The following SH3D21 variants were observed in gnomAD, a reference collection of about 807,000 sequenced individuals.
SH3D21 encodes the protein SH3 domain-containing protein 21.
Under a neutral mutation model 82.1 loss-of-function variants are expected in SH3D21, and 83 were observed. That is an observed-to-expected ratio of 1.01 (90% CI 0.85 to 1.21). SH3D21 has a LOEUF of 1.21. SH3D21 is among the 50% of genes most tolerant of loss of function. SH3D21 has a pLI of 0.00. For missense variants in SH3D21, 980 were observed against 962.1 expected, an observed-to-expected ratio of 1.02 and a Z score of -0.25; for synonymous variants, 383 against 387.8, an observed-to-expected ratio of 0.99 and a Z score of 0.15.
intron 10 of SH3D21, among the ~76,000 whole-genome samples, chr1:36,314,788 A>G (rs116233670): frequency 0.017 from 2,597 of 152,074 alleles, 81 homozygotes; most frequent in African/African-American, 0.059. Context: ...AAAGTTTTAA[A>G]TTTTGATGAA....
downstream of SH3D21, chr1:36,327,590 A>C: frequency 2.0e-6 from 2 of 1,015,556 alleles, no homozygotes; most frequent in Non-Finnish European, 2.5e-6. Context: ...CTGGGTTGGT[A>C]TGTGACATAT....
In SH3D21 at chr1:36,306,669, C is replaced by T; in HGVS notation, c.76C>T (p.Arg26Trp). Residue 26 changes from arginine to tryptophan, a missense_variant, in exon 2 of 16, where the codon CGG becomes TGG. Transcript: ENST00000453908. This position sits in a 1 kb window ranked among gnomAD's most constrained non-coding sequence, Gnocchi z 4.5. The stretch of plus-strand genomic sequence containing the variant: ...GAGTCTGGCGCCCGGGGACGTGGTC[C>T]GGCAGGTGCGCTGGGTGCCCGCGCG... ...ELSLAPGDVVRQVRWVPARGW... is the reference protein window; with the variant it reads ...ELSLAPGDVVWQVRWVPARGW... 3.1e-6 allele frequency: 4 copies of T among 1,298,808 alleles called. No individual in the cohort carries two copies. The highest frequency in any genetic ancestry group is 4.0e-6 in the Non-Finnish European group (4 of 988,218). The allele number at this position is 1,298,808 out of a possible 1,614,324, so 80.5% of individuals were successfully genotyped here.
At chr1:36,309,702 C>A in intron 10 of SH3D21, 112 bp downstream of exon 10, 1 of 1,194,282 alleles carries the variant, frequency 8.4e-7, no homozygotes. Flanking sequence ...CTATAGGAGC[C>A]CCCTCACCTG....
rs914415200 is a variant in SH3D21, at chr1:36,307,691, A to T, written c.437-79A>T. ...ATGAGCCTGTGATTCACATATCCTG[A>T]CCCTGTGACCCCTCTGACCCTCTCC... On this transcript the variant is annotated intron_variant, in intron 5 of 15. Transcript: ENST00000453908. The surrounding 1 kb of genome is among the most constrained non-coding windows in gnomAD (Gnocchi z 5.4). The T allele has an allele frequency of 5.2e-6, 8 of 1,537,420 alleles. No individual in the cohort carries two copies. In the South Asian group the frequency reaches 9.7e-5, roughly 19 times the overall value.
rs1456757874 is a variant in SH3D21, at chr1:36,306,436, G to A, written c.4+12G>A. The stretch of plus-strand genomic sequence containing the variant: ...CCCGGAAACCATGGGTAAGTGCGGA[G>A]GCTTTGAGGTGGCCTCTCTCTGCAA... On this transcript the variant is annotated intron_variant, in intron 1 of 15. Transcript: ENST00000453908. The surrounding 1 kb of genome is among the most constrained non-coding windows in gnomAD (Gnocchi z 4.5). 7.7e-7 allele frequency: 1 copy of A among 1,305,324 alleles called. No homozygotes were observed. Among genetic ancestry groups the A allele is most frequent in the African/African-American group, 1.5e-5 (1 of 65,872 alleles). The allele number at this position is 1,305,324 out of a possible 1,614,324, so 80.9% of individuals were successfully genotyped here. A position where few individuals can be genotyped will look rare whatever the true frequency, so the allele number is the denominator to read the frequency against.
At chr1:36,317,688 G>A (rs141869765) in intron 10 of SH3D21, among the ~76,000 whole-genome samples, 110 of 152,090 alleles carry the variant, frequency 7.2e-4, no homozygotes, top group African/African-American at 2.1e-3. Flanking sequence ...CTCAGCCTCC[G>A]GAGTAGCTGG....
intron 10 of SH3D21, among the ~76,000 whole-genome samples, 199 bp from the exon 11 acceptor site, chr1:36,318,872 G>A (rs1646389597): frequency 6.7e-6 from 1 of 150,180 alleles, no homozygotes; most frequent in South Asian, 2.1e-4. Flanking sequence ...TCGCACCACT[G>A]GGCGACAGAA....
In SH3D21 at chr1:36,306,959, G is replaced by A; in HGVS notation, c.226+54G>A. ...GTGGGCGGGTGCACGGAGCCAGTGC[G>A]ACCCCGGCGTCTCCGGCTCTTAGTG... On this transcript the variant is annotated intron_variant, in intron 3 of 15. Transcript: ENST00000453908. This position sits in a 1 kb window ranked among gnomAD's most constrained non-coding sequence, Gnocchi z 4.5. The A allele has an allele frequency of 7.5e-7, 1 of 1,341,292 alleles. No homozygotes were observed. The highest frequency in any genetic ancestry group is 9.6e-7 in the Non-Finnish European group (1 of 1,037,952). The allele number at this position is 1,341,292 out of a possible 1,614,324, so 83.1% of individuals were successfully genotyped here.
chr1:36,322,285 C>A, downstream of SH3D21: 1 of 1,495,264 alleles, frequency 6.7e-7, no homozygotes. Flanking sequence ...GCAGCGGGAG[C>A]CGGGGCCCAT....
At chr1:36,322,122 G>A, downstream of SH3D21, 3 of 1,344,190 alleles carry the variant, frequency 2.2e-6, no homozygotes, top group South Asian at 3.5e-5. Context: ...CCCCCTCCCC[G>A]CCCCCGGGGT....
In SH3D21 at chr1:36,320,498, TGA is replaced by T. The variant is rs753000712; in HGVS notation, c.1841_1842del (p.Glu614GlyfsTer23). The T allele has an allele frequency of 9.2e-5, 149 of 1,614,006 alleles. 1 individual carries two copies. The South Asian group carries it at 1.6e-3, about 17-fold the overall frequency. The stretch of plus-strand genomic sequence containing the variant: ...GCGCCCCCCAACGAGCAGAGGCCTC[TGA>T]GAGAGGAGGTGCTCCCCAAAGAGGG... On this transcript the variant is annotated frameshift_variant, in exon 14 of 16. Coordinates refer to ENST00000453908, the MANE Select transcript of SH3D21 (RefSeq NM_001162530.2). LOFTEE classifies it high-confidence loss of function.
chr1:36,319,215 C>G, intron 11 of SH3D21, 45 bp from the exon 12 acceptor site: 1 of 1,551,152 alleles, frequency 6.4e-7, no homozygotes. Context: ...AGGCAACGCC[C>G]CTCCCTGTGC....
downstream of SH3D21, among the ~76,000 whole-genome samples, chr1:36,325,823 C>T (rs557813017): frequency 3.3e-5 from 5 of 152,310 alleles, no homozygotes; most frequent in African/African-American, 1.2e-4. Context: ...GGATTACGGG[C>T]GTGAGCCACC....
chr1:36,309,673 C>T lies in SH3D21; in HGVS notation c.769+83C>T, dbSNP rs1646199319. 2.1e-6 allele frequency: 3 copies of T among 1,462,598 alleles called. No individual in the cohort carries two copies. In the Admixed American group the frequency reaches 6.0e-5, roughly 29 times the overall value. The allele number at this position is 1,462,598 out of a possible 1,614,324, so 90.6% of individuals were successfully genotyped here. ...GTTGCTTATAAACACCCACAGCACC[C>T]CAGTGGTCCAGTATGCCCCTATAGG... On this transcript the variant is annotated intron_variant, in intron 10 of 15. Coordinates refer to ENST00000453908, the MANE Select transcript of SH3D21 (RefSeq NM_001162530.2).
rs138305352 is a variant in SH3D21, at chr1:36,309,566, C to A, written c.745C>A (p.Arg249=). Reference sequence around the variant, plus strand: ...GGCATAGATCAAGAAGCTGGTCCCACGGAAAGTGGTATCTCGGGAATCAGG... The same window carrying A: ...GGCATAGATCAAGAAGCTGGTCCCAAGGAAAGTGGTATCTCGGGAATCAGG... ...PPPPIKKLVP[R]KVVSRESAPI... Residue 249 remains arginine (R), a synonymous_variant, in exon 10 of 16, where the codon CGG becomes AGG. Transcript: ENST00000453908. 1 of 1,551,640 alleles carries A rather than the reference C, an allele frequency of 6.4e-7. No homozygotes were observed. Among genetic ancestry groups the A allele is most frequent in the South Asian group, 1.2e-5 (1 of 84,058 alleles).
At chr1:36,318,308 C>T (rs575020535) in intron 10 of SH3D21, among the ~76,000 whole-genome samples, 1 of 152,172 alleles carries the variant, frequency 6.6e-6, no homozygotes, top group South Asian at 2.1e-4. Flanking sequence ...AGTGTGATGC[C>T]CATCAGCTCT....
chr1:36,324,087 C>A (rs1055953760), downstream of SH3D21: 1 of 152,328 alleles, frequency 6.6e-6, no homozygotes, highest in East Asian at 1.9e-4. Flanking sequence ...TGCTTCTCTT[C>A]CCCAGACCCA....
At position 36,319,702 on chromosome 1, in the gene SH3D21, GC is replaced by G; in HGVS notation, c.1044del (p.Ser349LeufsTer2). The G allele has an allele frequency of 1.3e-6, 2 of 1,592,864 alleles. No homozygotes were observed. Among genetic ancestry groups the G allele is most frequent in the Admixed American group, 1.8e-5 (1 of 56,738 alleles). ...QEEEHSSPVK[A>X]PSVKRTPMPD... ...GGAAGAGCACAGCAGCCCGGTAAAG[GC>G]CCCCTCTGTGAAGAGAACCCCCATG... is the stretch of plus-strand genomic sequence containing the variant. On this transcript the variant is annotated frameshift_variant, in exon 14 of 16. Coordinates refer to ENST00000453908, the MANE Select transcript of SH3D21 (RefSeq NM_001162530.2). LOFTEE classifies it high-confidence loss of function.
downstream of SH3D21, among the ~76,000 whole-genome samples, chr1:36,325,704 C>G (rs1341576437): frequency 1.3e-5 from 2 of 152,182 alleles, no homozygotes; most frequent in African/African-American, 4.8e-5. Context: ...GCCACCACGC[C>G]TGGCTAATTT....
Sources: gnomAD v4.1 joint callset for allele counts (sites outside exome capture counted in the v4.1 genomes callset) on GRCh38, gnomAD v4.1.1 for gene constraint, Gnocchi (gnomAD v3.1) non-coding constraint, MANE v1.5 for transcripts, NCBI Gene and HGNC (gene_info 2026-07-23, HGNC 2026-07-21) for gene names.